Variants in ZC3H8 observed in about 807,000 individuals in gnomAD.
ZC3H8 encodes the protein zinc finger CCCH-type containing 8.
Under a neutral mutation model 42.5 loss-of-function variants are expected in ZC3H8, and 27 were observed. The ratio of observed to expected loss-of-function variants is 0.64; its 90% CI spans 0.47 to 0.88. The LOEUF (loss-of-function observed/expected upper bound fraction) is 0.88. ZC3H8 is among the 40% of genes least tolerant of loss of function. The pLI is 0.00. For missense variants in ZC3H8, 277 were observed against 336.1 expected (o/e 0.82, Z 1.37); for synonymous variants, 101 against 110.1 (o/e 0.92, Z 0.52).
chr2:112,238,647 A>G (rs1175130948), intron 2 of ZC3H8, 119 bp from the exon 3 acceptor site: 1 of 727,738 alleles, frequency 1.4e-6, no homozygotes, highest in African/African-American at 1.8e-5. Context: ...TAATAGGTAC[A>G]TGGGATTCAT....
At chr2:112,241,809 T>C (rs1442573700) in intron 2 of ZC3H8, among the ~76,000 whole-genome samples, 1 of 152,252 alleles carries the variant, frequency 6.6e-6, no homozygotes, top group African/African-American at 2.4e-5. Context: ...AACATATTAC[T>C]CTATAGCATT....
At position 112,252,051 on chromosome 2, in the gene ZC3H8, C is replaced by A. The variant is rs183327196; in HGVS notation, c.75-1779G>T. Among the ~76,000 whole-genome samples the A allele has an allele frequency of 2.4e-4, 37 of 152,302 alleles. No individual in the cohort carries two copies. The East Asian group carries it at 5.6e-3, about 23-fold the overall frequency. ...TTCTCTTCTTTGTCTATATTCTCAT[C>A]TATATTCTCATTCCAGGCTATCCCT... On this transcript the variant is annotated intron_variant, in intron 1 of 8. Coordinates refer to ENST00000409573, the MANE Select transcript of ZC3H8 (RefSeq NM_032494.3).
chr2:112,223,393 A>C (rs182222974), intron 8 of ZC3H8, among the ~76,000 whole-genome samples: 29 of 152,312 alleles, frequency 1.9e-4, no homozygotes, highest in African/African-American at 6.7e-4. Flanking sequence ...CAAGAATAGA[A>C]TAAAATAAAT....
intron 2 of ZC3H8, 167 bp from the exon 3 acceptor site, chr2:112,238,695 G>T: frequency 2.2e-6 from 1 of 459,630 alleles, no homozygotes; most frequent in Non-Finnish European, 3.6e-6. Context: ...AAAATTTCCA[G>T]AATTAAAAAA....
intron 7 of ZC3H8, 23 bp from the exon 8 acceptor site, chr2:112,230,973 T>A: frequency 2.5e-6 from 3 of 1,208,894 alleles, no homozygotes; most frequent in South Asian, 1.6e-5. Flanking sequence ...AAAAATCACA[T>A]AATCATTTTT....
intron 4 of ZC3H8, among the ~76,000 whole-genome samples, chr2:112,235,848 G>T (rs988265029): frequency 6.7e-6 from 1 of 149,976 alleles, no homozygotes; most frequent in Admixed American, 6.7e-5. Context: ...TAAAAAATTT[G>T]TAAGACTCAG....
At chr2:112,219,816 C>T (rs138157824) in intron 8 of ZC3H8, among the ~76,000 whole-genome samples, 1 of 152,238 alleles carries the variant, frequency 6.6e-6, no homozygotes, top group East Asian at 1.9e-4. Flanking sequence ...AGGTCCCAAA[C>T]ATCTTTGTTA....
At position 112,238,397 on chromosome 2, in the gene ZC3H8, C is replaced by T. The variant is rs761805127; in HGVS notation, c.288G>A (p.Gln96=). ...TTGCCATTTCTCTGGCTTGTATGTACTGTTGAAGCTCTTTGGCAAAATTAT... is the reference window on the plus strand; with the variant it reads ...TTGCCATTTCTCTGGCTTGTATGTATTGTTGAAGCTCTTTGGCAAAATTAT... ...SEDNFAKELQ[Q]YIQAREMANA... is the part of the protein sequence containing the mutation. Residue 96 remains glutamine, a synonymous_variant, in exon 3 of 9, where the codon CAG becomes CAA. Coordinates refer to ENST00000409573, the MANE Select transcript of ZC3H8 (RefSeq NM_032494.3). 5.0e-6 allele frequency: 8 copies of T among 1,613,574 alleles called. No homozygotes were observed. In the African/African-American group the frequency reaches 1.1e-4, roughly 22 times the overall value.
intron 6 of ZC3H8, among the ~76,000 whole-genome samples, chr2:112,232,739 G>T (rs933129029): frequency 6.6e-6 from 1 of 151,978 alleles, no homozygotes; most frequent in African/African-American, 2.4e-5. Flanking sequence ...AATGCCTGAA[G>T]AAAAAAATTT....
intron 8 of ZC3H8, 126 bp downstream of exon 8, chr2:112,230,777 T>C: frequency 1.8e-6 from 1 of 559,664 alleles, no homozygotes; most frequent in Non-Finnish European, 2.7e-6. Context: ...AAATATTTTA[T>C]AATTCTTTTT....
chr2:112,231,966 A>C lies in ZC3H8; in HGVS notation c.734-19T>G. 2.2e-6 allele frequency: 3 copies of C among 1,361,392 alleles called. No homozygotes were observed. The highest frequency in any genetic ancestry group is 3.1e-6 in the Non-Finnish European group (3 of 977,846). The allele number at this position is 1,361,392 out of a possible 1,614,324, so 84.3% of individuals were successfully genotyped here. On this transcript the variant is annotated intron_variant, in intron 6 of 8. Coordinates refer to ENST00000409573, the MANE Select transcript of ZC3H8 (RefSeq NM_032494.3). ...TATTCATGTAACCCAAGTGTTAAGG[A>C]AGAGAACAATTTTAATCCAATTGAA...
chr2:112,217,584 T>C (rs1045716074), intron 8 of ZC3H8, among the ~76,000 whole-genome samples: 3 of 152,330 alleles, frequency 2.0e-5, no homozygotes, highest in Middle Eastern at 3.4e-3. Context: ...TTTACTAATC[T>C]ATGCAGATCT....
chr2:112,248,209 C>A (rs1485915612), intron 2 of ZC3H8, among the ~76,000 whole-genome samples: 5 of 151,776 alleles, frequency 3.3e-5, no homozygotes, highest in Admixed American at 3.3e-4. Context: ...GCCTGTAGTC[C>A]CAGCTACTCG....
At chr2:112,248,999 A>T (rs886377737) in intron 2 of ZC3H8, among the ~76,000 whole-genome samples, 3 of 152,134 alleles carry the variant, frequency 2.0e-5, no homozygotes, top group Admixed American at 1.3e-4. Context: ...GTTCGAGACC[A>T]GCCTGGGCAA....
Position 112,236,764 on chromosome 2 carries a change from G to A in ZC3H8, c.371-69C>T. 2.9e-6 allele frequency: 4 copies of A among 1,396,680 alleles called. No homozygotes were observed. The South Asian group carries it at 5.2e-5, about 18-fold the overall frequency. The allele number at this position is 1,396,680 out of a possible 1,614,324, so 86.5% of individuals were successfully genotyped here. ...TAGCAGTTTACTTTTAAGAAGTACG[G>A]GGCCAGGTGCAGTGGCTCATGTCTG... On this transcript the variant is annotated intron_variant, in intron 3 of 8. Transcript: ENST00000409573.
intron 1 of ZC3H8, among the ~76,000 whole-genome samples, chr2:112,251,947 C>A (rs758161493): frequency 2.6e-5 from 4 of 152,332 alleles, no homozygotes; most frequent in Non-Finnish European, 1.5e-5. Flanking sequence ...CTTCTAGTTT[C>A]TTCTTTCCAC....
intron 2 of ZC3H8, among the ~76,000 whole-genome samples, chr2:112,248,343 AAG>A (rs566017604): frequency 2.0e-5 from 3 of 149,408 alleles, no homozygotes; most frequent in Admixed American, 2.0e-4. Flanking sequence ...AAAGAAAAGA[AAG>A]AAAAAGAAAA....
intron 2 of ZC3H8, among the ~76,000 whole-genome samples, chr2:112,248,603 G>C (rs1226387205): frequency 2.0e-5 from 3 of 152,112 alleles, no homozygotes; most frequent in South Asian, 2.1e-4. Context: ...CGATTCTCCT[G>C]CCTCAGCTCC....
rs79839524 is a variant in ZC3H8, at chr2:112,227,844, T to C, written c.*15+3059A>G. Among the ~76,000 whole-genome samples the C allele has an allele frequency of 3.1e-3, 478 of 152,340 alleles. 3 individuals are homozygous for C. Among genetic ancestry groups the C allele is most frequent in the Middle Eastern group, 0.017 (5 of 294 alleles). ...TCTAAATAAATGGAGAGACATTCCATGCTCACAGATCAGAATTCTATGTGC... is the reference window on the plus strand; with the variant it reads ...TCTAAATAAATGGAGAGACATTCCACGCTCACAGATCAGAATTCTATGTGC... On this transcript the variant is annotated intron_variant, in intron 8 of 8. Coordinates refer to ENST00000409573, the MANE Select transcript of ZC3H8 (RefSeq NM_032494.3).
Sources: gnomAD v4.1 joint callset for allele counts (sites outside exome capture counted in the v4.1 genomes callset) on GRCh38, gnomAD v4.1.1 for gene constraint, MANE v1.5 for transcripts, NCBI Gene and HGNC (gene_info 2026-07-23, HGNC 2026-07-21) for gene names.